The following KCNT2 variants were observed in gnomAD, a reference collection of about 807,000 sequenced individuals.
KCNT2 encodes potassium channel subfamily T member 2.
A neutral mutation model predicts 153.8 loss-of-function variants in KCNT2; 67 were observed. The observed-to-expected ratio is 0.44, with a 90% CI of 0.36 to 0.53. The LOEUF (loss-of-function observed/expected upper bound fraction) is 0.53, where lower values mean the gene tolerates loss of function less well. KCNT2 is among the 20% of genes least tolerant of loss of function. The pLI is 0.00. For synonymous variants in KCNT2, 500 were observed against 458.8 expected (o/e 1.09, Z -1.15); for missense variants, 975 against 1,354.8 (o/e 0.72, Z 4.40).
chr1:196,449,526 G>T (rs1675971832), intron 8 of KCNT2, among the ~76,000 whole-genome samples: 1 of 151,688 alleles, frequency 6.6e-6, no homozygotes. Context: ...CTGGGTAGGA[G>T]ATATCATCAG....
chr1:196,390,535 T>C (rs946750), intron 13 of KCNT2, among the ~76,000 whole-genome samples: 97,268 of 151,134 alleles, frequency 0.64, 31,621 homozygotes, highest in Middle Eastern at 0.76. Context: ...CTCCATATCT[T>C]TCACCTGGAC....
intron 14 of KCNT2, among the ~76,000 whole-genome samples, chr1:196,350,795 T>A (rs145859434): frequency 0.049 from 7,536 of 152,246 alleles, 281 homozygotes; most frequent in Non-Finnish European, 0.071. Flanking sequence ...ATGTCCTGAA[T>A]GGTAATGCCT....
intron 25 of KCNT2, among the ~76,000 whole-genome samples, chr1:196,262,632 T>TA (rs930824809): frequency 1.8e-4 from 28 of 151,400 alleles, no homozygotes; most frequent in South Asian, 1.3e-3. Flanking sequence ...TATTTTTATT[T>TA]AAAAAAAAAT....
chr1:196,395,111 C>A (rs1321192687), intron 13 of KCNT2, among the ~76,000 whole-genome samples: 1 of 151,062 alleles, frequency 6.6e-6, no homozygotes, highest in Non-Finnish European at 1.5e-5. Context: ...GGAATAATTT[C>A]AACTTGGTGA....
intron 25 of KCNT2, among the ~76,000 whole-genome samples, chr1:196,260,113 C>G (rs2147786153): frequency 6.6e-6 from 1 of 151,880 alleles, no homozygotes; most frequent in African/African-American, 2.4e-5. Flanking sequence ...AGAGTTTAAT[C>G]ATAATCTTAA....
intron 25 of KCNT2, among the ~76,000 whole-genome samples, chr1:196,277,345 T>C (rs1658663449): frequency 6.6e-6 from 1 of 152,120 alleles, no homozygotes. Context: ...CTCCCACATC[T>C]GTATTTTTAG....
Position 196,244,770 on chromosome 1 carries a change from G to A in KCNT2, c.3212-8700C>T, listed in dbSNP as rs532242149. Among the ~76,000 whole-genome samples the A allele has an allele frequency of 7.2e-5, 11 of 152,216 alleles. No homozygotes were observed. The South Asian group carries it at 2.3e-3, about 32-fold the overall frequency. ...CTCTGGACTTGCCCAGAATAAGCAG[G>A]GAACTTACCACCCTGAAGGGAGGAA... On this transcript the variant is annotated intron_variant, in intron 26 of 27. Coordinates refer to ENST00000294725, the MANE Select transcript of KCNT2 (RefSeq NM_198503.5).
chr1:196,386,679 T>C (rs1448235053), intron 13 of KCNT2, among the ~76,000 whole-genome samples: 2 of 152,124 alleles, frequency 1.3e-5, no homozygotes, highest in Admixed American at 6.6e-5. Flanking sequence ...CTTGGTAATA[T>C]TTACGAATAG....
intron 12 of KCNT2, among the ~76,000 whole-genome samples, chr1:196,399,996 A>G (rs1013121500): frequency 5.3e-5 from 8 of 151,812 alleles, no homozygotes; most frequent in African/African-American, 1.9e-4. Context: ...CACCCAGTCT[A>G]TGCTATTTTG....
intron 25 of KCNT2, among the ~76,000 whole-genome samples, chr1:196,267,425 G>A (rs1339885848): frequency 6.6e-6 from 1 of 152,124 alleles, no homozygotes; most frequent in African/African-American, 2.4e-5. Flanking sequence ...GCCTTTTGGG[G>A]TTTCGGATGG....
intron 8 of KCNT2, among the ~76,000 whole-genome samples, chr1:196,439,287 C>A (rs878994209): frequency 6.6e-6 from 1 of 151,744 alleles, no homozygotes; most frequent in Non-Finnish European, 1.5e-5. Flanking sequence ...CAGGTAAATA[C>A]GTGTTTAAAT....
chr1:196,282,435 T>G (rs1465359143), intron 23 of KCNT2, 79 bp from the exon 24 acceptor site: 1 of 659,600 alleles, frequency 1.5e-6, no homozygotes, highest in Admixed American at 2.6e-5. Context: ...CAGCTAAAAG[T>G]GTGAACATCT....
intron 1 of KCNT2, among the ~76,000 whole-genome samples, chr1:196,550,281 T>C (rs573877803): frequency 1.3e-5 from 2 of 151,848 alleles, no homozygotes; most frequent in Non-Finnish European, 2.9e-5. Context: ...AAAAAAAATT[T>C]AAACCCAAAG....
intron 26 of KCNT2, among the ~76,000 whole-genome samples, chr1:196,244,683 G>A (rs1238394623): frequency 3.3e-5 from 5 of 152,146 alleles, no homozygotes; most frequent in African/African-American, 9.7e-5. Flanking sequence ...AGCTGCAGTA[G>A]GATAGGGAAA....
intron 1 of KCNT2, among the ~76,000 whole-genome samples, chr1:196,583,053 A>T (rs953415621): frequency 3.3e-5 from 5 of 152,118 alleles, no homozygotes; most frequent in African/African-American, 1.2e-4. Flanking sequence ...GGATGTCTTC[A>T]GAGGTTGTTA....
chr1:196,280,870 G>GT lies in KCNT2; in HGVS notation c.2899dup (p.Thr967AsnfsTer4). 2 of 1,611,700 alleles carry GT rather than the reference G, an allele frequency of 1.2e-6. No homozygotes were observed. The highest frequency in any genetic ancestry group is 1.7e-6 in the Non-Finnish European group (2 of 1,178,066). On this transcript the variant is annotated frameshift_variant, in exon 25 of 28. Transcript: ENST00000294725. LOFTEE classifies it high-confidence loss of function. ...TTGTTATTTCCAAACCTCAGATGTAGTAAGTTTCTGAGACTCAGTCCTGTA... is the reference window on the plus strand; with the variant it reads ...TTGTTATTTCCAAACCTCAGATGTAGTTAAGTTTCTGAGACTCAGTCCTGTA...
At chr1:196,536,424 T>C (rs1232364862) in intron 1 of KCNT2, among the ~76,000 whole-genome samples, 1 of 152,218 alleles carries the variant, frequency 6.6e-6, no homozygotes, top group East Asian at 1.9e-4. Context: ...TTCAGCCCAT[T>C]GAGCACACTG....
chr1:196,450,956 A>G (rs1676108842), intron 8 of KCNT2, among the ~76,000 whole-genome samples: 1 of 151,872 alleles, frequency 6.6e-6, no homozygotes. Flanking sequence ...ACTTCTGTAG[A>G]GAGCAATTCC....
In KCNT2 at chr1:196,340,466, A is replaced by G. The variant is rs1665508368; in HGVS notation, c.1658T>C (p.Ile553Thr). 1.9e-6 allele frequency: 3 copies of G among 1,611,190 alleles called. No individual in the cohort carries two copies. Among genetic ancestry groups the G allele is most frequent in the Non-Finnish European group, 2.5e-6 (3 of 1,177,876 alleles). ...TGAATTCTCTTCTTTGGTAATATTA[A>G]TATAAAAGCATATGTCTGTAGAATT... ...IMNSTDICFY[I>T]NITKEENSAF... Residue 553 changes from isoleucine (I) to threonine (T), a missense_variant, in exon 16 of 28, where the codon ATT becomes ACT. This residue lies in a region of KCNT2 where 325 missense variants were observed against 388.1 expected (regional missense o/e 0.84). Coordinates refer to ENST00000294725, the MANE Select transcript of KCNT2 (RefSeq NM_198503.5).
Sources: gnomAD v4.1 joint callset for allele counts (sites outside exome capture counted in the v4.1 genomes callset) on GRCh38, gnomAD v4.1.1 for gene constraint, gnomAD v4.1.1 regional missense constraint, MANE v1.5 for transcripts, NCBI Gene and HGNC (gene_info 2026-07-23, HGNC 2026-07-21) for gene names.